Variants in GTF2IRD1 observed in about 807,000 individuals in gnomAD.
GTF2IRD1 encodes general transcription factor II-I repeat domain-containing protein 1.
In GTF2IRD1, 26 loss-of-function variants were observed where a neutral mutation model predicts 113.2. The ratio of observed to expected loss-of-function variants is 0.23; its 90% CI spans 0.17 to 0.32. The LOEUF is 0.32. Ranked by LOEUF, GTF2IRD1 falls within the 10% of genes least tolerant of loss-of-function variation. GTF2IRD1 has a pLI of 1.00. For missense variants in GTF2IRD1, 864 were observed against 1,280.8 expected (o/e 0.67, Z 4.97); for synonymous variants, 484 against 529.1 (o/e 0.91, Z 1.17).
At chr7:74,564,702 G>T (rs1800185726) in intron 22 of GTF2IRD1, among the ~76,000 whole-genome samples, 1 of 152,168 alleles carries the variant, frequency 6.6e-6, no homozygotes. Flanking sequence ...GCTGCAGGGA[G>T]CCATAATTCC....
chr7:74,570,007 G>A (rs1277132652), intron 22 of GTF2IRD1, among the ~76,000 whole-genome samples: 1 of 152,148 alleles, frequency 6.6e-6, no homozygotes, highest in South Asian at 2.1e-4. Context: ...GACGAGGTGG[G>A]GGAACCTTTG....
chr7:74,533,048 G>A (rs111400672), intron 9 of GTF2IRD1, among the ~76,000 whole-genome samples: 1 of 152,226 alleles, frequency 6.6e-6, no homozygotes, highest in Admixed American at 6.5e-5. Context: ...CTGGAGGCAG[G>A]AGAGTGTGTG....
chr7:74,558,279 CAAAAA>C (rs142472718), intron 20 of GTF2IRD1, among the ~76,000 whole-genome samples: 18,881 of 60,374 alleles, frequency 0.31, 1,606 homozygotes, highest in Middle Eastern at 0.39. Context: ...AACTCCGTCT[CAAAAA>C]AAAAAAAAAA....
At chr7:74,524,264 T>A in intron 8 of GTF2IRD1, 110 bp downstream of exon 8, 7 of 451,084 alleles carry the variant, frequency 1.6e-5, no homozygotes, top group Non-Finnish European at 1.6e-5. Context: ...ATATGCTGGC[T>A]CCCGCGCGCC....
chr7:74,463,497 G>C (rs1290580104), intron 1 of GTF2IRD1, among the ~76,000 whole-genome samples: 3 of 151,992 alleles, frequency 2.0e-5, no homozygotes, highest in Admixed American at 6.6e-5. Context: ...AGCTTCCCAA[G>C]TGCTGGGATT....
At chr7:74,571,139 G>T in intron 22 of GTF2IRD1, 1 of 984,680 alleles carries the variant, frequency 1.0e-6, no homozygotes, top group Non-Finnish European at 1.2e-6. Context: ...AGACCCCAGG[G>T]ATGTGGCAGA....
At chr7:74,488,267 A>T (rs1334990099) in intron 1 of GTF2IRD1, among the ~76,000 whole-genome samples, 1 of 152,132 alleles carries the variant, frequency 6.6e-6, no homozygotes, top group Non-Finnish European at 1.5e-5. Flanking sequence ...CTAGAGACAG[A>T]GTGAGACCCT....
intron 1 of GTF2IRD1, chr7:74,506,755 G>A (rs1396762799): frequency 6.6e-6 from 1 of 152,262 alleles, no homozygotes; most frequent in African/African-American, 2.4e-5. Context: ...GCCAAAGGAG[G>A]CTGATCTTTG....
intron 1 of GTF2IRD1, among the ~76,000 whole-genome samples, chr7:74,472,563 G>T (rs1381630040): frequency 6.6e-6 from 1 of 151,980 alleles, no homozygotes. Context: ...CCTGGGCAAC[G>T]TGGTGAAACC....
chr7:74,526,135 G>T (rs948656062), intron 8 of GTF2IRD1, among the ~76,000 whole-genome samples: 4 of 152,248 alleles, frequency 2.6e-5, no homozygotes, highest in African/African-American at 9.6e-5. Context: ...CCAGGGAGGA[G>T]CCGGCTCTGC....
At chr7:74,521,057 T>A (rs1478595335) in intron 6 of GTF2IRD1, 151 bp from the exon 7 acceptor site, 1 of 580,760 alleles carries the variant, frequency 1.7e-6, no homozygotes, top group South Asian at 2.1e-5. Context: ...TCAGGGGCCT[T>A]GCCTTGAGTT....
At chr7:74,574,552 T>C (rs1271451838) in intron 22 of GTF2IRD1, among the ~76,000 whole-genome samples, 1 of 149,840 alleles carries the variant, frequency 6.7e-6, no homozygotes, top group Non-Finnish European at 1.5e-5. Context: ...TCGACCTCCC[T>C]AAGCTCAAGT....
intron 1 of GTF2IRD1, among the ~76,000 whole-genome samples, chr7:74,496,670 A>T (rs1393346633): frequency 6.6e-6 from 1 of 151,464 alleles, no homozygotes; most frequent in East Asian, 1.9e-4. Flanking sequence ...GTGAGTGTGC[A>T]TGCATGTGTG....
chr7:74,454,408 C>T (rs1554326588), intron 1 of GTF2IRD1, among the ~76,000 whole-genome samples: 1 of 151,640 alleles, frequency 6.6e-6, no homozygotes, highest in African/African-American at 2.4e-5. Flanking sequence ...CCGGGAGGGG[C>T]CGGGAGCTGG....
Position 74,555,580 on chromosome 7 carries a change from G to A in GTF2IRD1, c.2023+86G>A, listed in dbSNP as rs1799543002. On this transcript the variant is annotated intron_variant, in intron 19 of 26. Transcript: ENST00000424337. The surrounding 1 kb of genome is among the most constrained non-coding windows in gnomAD (Gnocchi z 5.3). Reference sequence around the variant, plus strand: ...GTTTGGAGGGCCAGGCTGGAAGTGGGGAGGAGCTGGCCCCCAACTTCAGGG... The same window carrying A: ...GTTTGGAGGGCCAGGCTGGAAGTGGAGAGGAGCTGGCCCCCAACTTCAGGG... The A allele has an allele frequency of 4.0e-5, 35 of 865,750 alleles. No individual in the cohort carries two copies. The South Asian group carries it at 4.9e-4, about 12-fold the overall frequency. 53.6% of individuals were successfully genotyped at this position (865,750 alleles called of 1,614,324 possible).
At chr7:74,489,152 A>C (rs992665190) in intron 1 of GTF2IRD1, among the ~76,000 whole-genome samples, 16 of 152,104 alleles carry the variant, frequency 1.1e-4, no homozygotes, top group Non-Finnish European at 2.1e-4. Context: ...AAAAAGAAAA[A>C]AAAAGACTTT....
At chr7:74,478,300 G>A (rs782623606) in intron 1 of GTF2IRD1, among the ~76,000 whole-genome samples, 3 of 152,190 alleles carry the variant, frequency 2.0e-5, no homozygotes, top group Admixed American at 6.5e-5. Context: ...AATCGTCCCC[G>A]TCATCACTGC....
intron 20 of GTF2IRD1, 24 bp downstream of exon 20, chr7:74,557,746 G>T (rs1554357589): frequency 6.9e-7 from 1 of 1,451,622 alleles, no homozygotes; most frequent in Non-Finnish European, 9.7e-7. Flanking sequence ...AACCCCCGGG[G>T]AGGGACACGC....
rs578136839 is a variant in GTF2IRD1 at position 74,474,424 on chromosome 7, T to C, written c.-7+20248T>C. Among the ~76,000 whole-genome samples, 3 of 152,244 alleles carry C rather than the reference T, an allele frequency of 2.0e-5. No individual in the cohort carries two copies. In the East Asian group the frequency reaches 5.8e-4, roughly 29 times the overall value. ...AATAATGAGCCTATGGGAGAGCCACTCCCATCTTGGTGCAAATATTTGTGT... is the reference window on the plus strand; with the variant it reads ...AATAATGAGCCTATGGGAGAGCCACCCCCATCTTGGTGCAAATATTTGTGT... On this transcript the variant is annotated intron_variant, in intron 1 of 26. Transcript: ENST00000424337.
Sources: gnomAD v4.1 joint callset for allele counts (sites outside exome capture counted in the v4.1 genomes callset) on GRCh38, gnomAD v4.1.1 for gene constraint, Gnocchi (gnomAD v3.1) non-coding constraint, MANE v1.5 for transcripts, NCBI Gene and HGNC (gene_info 2026-07-23, HGNC 2026-07-21) for gene names.